Variants in OR51B5 observed in about 807,000 individuals in gnomAD.
The protein encoded by OR51B5 is olfactory receptor family 51 subfamily B member 5, also known as olfactory receptor 51B5.
For synonymous variants in OR51B5, 186 were observed against 144.8 expected, an observed-to-expected ratio of 1.28 and a Z score of -2.04; for missense variants, 456 against 374.6, an observed-to-expected ratio of 1.22 and a Z score of -1.79.
At chr11:5,399,949 T>A (rs1849942545) in intron 1 of OR51B5, among the ~76,000 whole-genome samples, 1 of 152,100 alleles carries the variant, frequency 6.6e-6, no homozygotes, top group Non-Finnish European at 1.5e-5. Flanking sequence ...AAGGATTCAG[T>A]AAGGCAGCAC....
At chr11:5,489,270 C>T in intron 1 of OR51B5, 1 of 1,614,040 alleles carries the variant, frequency 6.2e-7, no homozygotes, top group South Asian at 1.1e-5. Context: ...TGGGCATTGC[C>T]CGACTGGCCT....
intron 1 of OR51B5, among the ~76,000 whole-genome samples, chr11:5,494,227 C>T (rs1851617743): frequency 6.6e-6 from 1 of 152,180 alleles, no homozygotes; most frequent in African/African-American, 2.4e-5. Flanking sequence ...TAACATTATT[C>T]CAGGTAACAA....
intron 1 of OR51B5, among the ~76,000 whole-genome samples, chr11:5,452,299 T>C (rs558288745): frequency 8.4e-4 from 128 of 151,794 alleles, no homozygotes; most frequent in African/African-American, 2.8e-3. Context: ...GGTCAGGAGA[T>C]CGAGATCATC....
intron 1 of OR51B5, among the ~76,000 whole-genome samples, chr11:5,442,691 T>G (rs16931046): frequency 0.016 from 2,378 of 152,316 alleles, 65 homozygotes; most frequent in African/African-American, 0.052. Context: ...AGCTTGTTTC[T>G]GAGATCTTCG....
At chr11:5,461,513 C>T (rs962641586) in intron 1 of OR51B5, among the ~76,000 whole-genome samples, 2 of 152,152 alleles carry the variant, frequency 1.3e-5, no homozygotes, top group Non-Finnish European at 2.9e-5. Flanking sequence ...GAGAGCTCTG[C>T]TCTCTCCAGG....
At chr11:5,391,641 T>C (rs1180805651) in intron 1 of OR51B5, 18 of 152,266 alleles carry the variant, frequency 1.2e-4, no homozygotes, top group Admixed American at 1.2e-3. Flanking sequence ...GACACCTTTC[T>C]GCTGGCATCC....
At chr11:5,413,473 C>T (rs1443580782) in intron 1 of OR51B5, among the ~76,000 whole-genome samples, 1 of 152,038 alleles carries the variant, frequency 6.6e-6, no homozygotes, top group Non-Finnish European at 1.5e-5. Flanking sequence ...AGGCTTCAGA[C>T]AATCAAACTA....
intron 1 of OR51B5, among the ~76,000 whole-genome samples, chr11:5,442,291 A>G (rs569195632): frequency 2.0e-5 from 3 of 152,246 alleles, no homozygotes; most frequent in Non-Finnish European, 4.4e-5. Context: ...ATAAAAAAAG[A>G]GAAAATTATT....
chr11:5,441,942 C>T lies in OR51B5; in HGVS notation n.84+63627G>A, dbSNP rs551423295. On this transcript the variant is annotated intron_variant and non_coding_transcript_variant, in intron 1 of 4. Coordinates refer to the OR51B5 transcript ENST00000415970. ...TCAGACTTCACCCCAGCCTCCCAAT[C>T]CCAATGGCTGCCCCTGAACTTGTCA... Among the ~76,000 whole-genome samples, 4 of 152,268 alleles carry T rather than the reference C, an allele frequency of 2.6e-5. No homozygotes were observed. The South Asian group carries it at 8.3e-4, about 32-fold the overall frequency.
rs1161267421 is a variant in OR51B5, at chr11:5,360,300, A to G, written n.85-13390T>C. Among the ~76,000 whole-genome samples the G allele has an allele frequency of 5.3e-5, 8 of 152,220 alleles. No homozygotes were observed. The East Asian group carries it at 1.2e-3, about 22-fold the overall frequency. ...GATGAACTCAAACAAATTTACAAGA[A>G]AAAAACAACCCCATCAAAAAGTGGG... On this transcript the variant is annotated intron_variant and non_coding_transcript_variant, in intron 1 of 4. Coordinates refer to the OR51B5 transcript ENST00000415970.
At chr11:5,467,642 C>T (rs538688429) in intron 1 of OR51B5, among the ~76,000 whole-genome samples, 1 of 152,296 alleles carries the variant, frequency 6.6e-6, no homozygotes, top group Non-Finnish European at 1.5e-5. Flanking sequence ...GGATTTCTTT[C>T]TTTGTGGCTT....
chr11:5,349,119 G>A (rs911776634), intron 1 of OR51B5, among the ~76,000 whole-genome samples: 2 of 152,078 alleles, frequency 1.3e-5, no homozygotes, highest in Non-Finnish European at 2.9e-5. Flanking sequence ...CCTGGAAGAG[G>A]GTGAATGGCT....
intron 1 of OR51B5, among the ~76,000 whole-genome samples, chr11:5,373,240 A>T (rs1001985545): frequency 6.6e-6 from 1 of 152,232 alleles, no homozygotes; most frequent in African/African-American, 2.4e-5. Context: ...TAGCTGCTTG[A>T]TATCAGTCTC....
At chr11:5,475,882 T>C (rs1851297961) in intron 1 of OR51B5, among the ~76,000 whole-genome samples, 2 of 149,308 alleles carry the variant, frequency 1.3e-5, no homozygotes, top group Admixed American at 6.7e-5. Context: ...GTGACTAGCA[T>C]ACACCTATTC....
chr11:5,352,483 A>T (rs12802177), intron 1 of OR51B5: 469,280 of 1,318,508 alleles, frequency 0.36, 88,787 homozygotes, highest in Non-Finnish European at 0.38. Flanking sequence ...AATTCAGGGG[A>T]CCTGGACAGG....
chr11:5,435,395 A>G (rs1589994636), intron 1 of OR51B5, among the ~76,000 whole-genome samples: 1 of 152,208 alleles, frequency 6.6e-6, no homozygotes, highest in Non-Finnish European at 1.5e-5. Context: ...ATTTTCTTGC[A>G]GAACACTTAT....
intron 1 of OR51B5, among the ~76,000 whole-genome samples, chr11:5,461,041 G>T (rs778420031): frequency 6.6e-6 from 1 of 152,204 alleles, no homozygotes; most frequent in South Asian, 2.1e-4. Context: ...AGTTGAGGGG[G>T]AGATTGCCCT....
chr11:5,355,725 A>G (rs953298602), intron 1 of OR51B5: 1 of 151,186 alleles, frequency 6.6e-6, no homozygotes, highest in African/African-American at 2.4e-5. Flanking sequence ...CATTTCAAAT[A>G]AACCTTGGGA....
chr11:5,354,191 C>A (rs1382072991), intron 1 of OR51B5, among the ~76,000 whole-genome samples: 1 of 152,118 alleles, frequency 6.6e-6, no homozygotes, highest in South Asian at 2.1e-4. Flanking sequence ...GTATTGTCTT[C>A]CAAGATATGG....
Sources: gnomAD v4.1 joint callset for allele counts (sites outside exome capture counted in the v4.1 genomes callset) on GRCh38, gnomAD v4.1.1 for gene constraint, MANE v1.5 for transcripts, NCBI Gene and HGNC (gene_info 2026-07-23, HGNC 2026-07-21) for gene names.